Variants in NAV1 observed in about 807,000 individuals in gnomAD.
The protein encoded by NAV1 is neuron navigator 1, also known as pore membrane and/or filament interacting like protein 3.
Under a neutral mutation model 175.2 loss-of-function variants are expected in NAV1, and 18 were observed. The observed-to-expected ratio is 0.10, with a 90% CI of 0.07 to 0.15. NAV1 has a LOEUF of 0.15. NAV1 is among the 10% of genes least tolerant of loss of function. The pLI is 1.00. For missense variants in NAV1, 1,731 were observed against 2,436.6 expected, an observed-to-expected ratio of 0.71 and a Z score of 6.10; for synonymous variants, 897 against 978.7, an observed-to-expected ratio of 0.92 and a Z score of 1.56.
chr1:201,782,606 T>C lies in NAV1; in HGVS notation c.2094T>C (p.Ile698=). Residue 698 remains isoleucine (I), a synonymous_variant, in exon 6 of 30, where the codon ATT becomes ATC. Coordinates refer to ENST00000367296, the Ensembl canonical transcript of NAV1. This position sits in a 1 kb window ranked among gnomAD's most constrained non-coding sequence, Gnocchi z 5.4. ...GACCTCGCCCTGTGAGCAGCAGCAT[T>C]GACCCCAGTCTCCTCAGCACCAAGC... 6.2e-7 allele frequency: 1 copy of C among 1,613,936 alleles called. No homozygotes were observed. Among genetic ancestry groups the C allele is most frequent in the Non-Finnish European group, 8.5e-7 (1 of 1,179,918 alleles).
rs140063005 is a variant in NAV1 at position 201,802,981 on chromosome 1, G to A, written c.3518-612G>A. Reference sequence around the variant, plus strand: ...GTACCTTTTCTTCAACCCTAAATACGTTTTCCAAAGTTCCCATCTGAAAAA... The same window carrying A: ...GTACCTTTTCTTCAACCCTAAATACATTTTCCAAAGTTCCCATCTGAAAAA... On this transcript the variant is annotated intron_variant, in intron 15 of 29. Coordinates refer to ENST00000367296, the Ensembl canonical transcript of NAV1. Among the ~76,000 whole-genome samples the A allele has an allele frequency of 1.9e-3, 287 of 152,170 alleles. 1 individual carries two copies. Among genetic ancestry groups the A allele is most frequent in the African/African-American group, 6.5e-3 (270 of 41,524 alleles).
In NAV1 at chr1:201,758,321, T is replaced by C. The variant is rs529443534; in HGVS notation, c.1227-22100T>C. Among the ~76,000 whole-genome samples, 166 of 152,352 alleles carry C rather than the reference T, an allele frequency of 1.1e-3. 2 individuals carry two copies. The highest frequency in any genetic ancestry group is 3.9e-3 in the African/African-American group (164 of 41,588). Reference sequence around the variant, plus strand: ...GCAGGCATATGATGTTGACATTTTATTTGGTGGTGATCATATTTAAGGAAG... The same window carrying C: ...GCAGGCATATGATGTTGACATTTTACTTGGTGGTGATCATATTTAAGGAAG... On this transcript the variant is annotated intron_variant, in intron 3 of 29. Transcript: ENST00000367296.
chr1:201,653,068 A>G (rs1032588135), intron 1 of NAV1, among the ~76,000 whole-genome samples: 13 of 152,238 alleles, frequency 8.5e-5, no homozygotes, highest in African/African-American at 3.1e-4. Context: ...TTGTATGGGT[A>G]CTAGAAGTAT....
At chr1:201,703,642 T>C (rs1671539525) in intron 1 of NAV1, among the ~76,000 whole-genome samples, 1 of 152,198 alleles carries the variant, frequency 6.6e-6, no homozygotes, top group African/African-American at 2.4e-5. Context: ...GGTATTGCTT[T>C]CTCCTGGAAC....
chr1:201,753,385 T>C (rs896208027), intron 3 of NAV1, among the ~76,000 whole-genome samples: 2 of 152,220 alleles, frequency 1.3e-5, no homozygotes, highest in African/African-American at 4.8e-5. Context: ...CCCATTTAAT[T>C]AAATTCCGCT....
chr1:201,596,764 G>A (rs1201153411), intron 2 of NAV1, among the ~76,000 whole-genome samples: 6 of 152,172 alleles, frequency 3.9e-5, no homozygotes, highest in Non-Finnish European at 5.9e-5. Context: ...CCAGCCCAAT[G>A]GGAAGATGTT....
chr1:201,648,735 GGC>G lies in NAV1; in HGVS notation c.71_72del (p.Ala24GlyfsTer39). On this transcript the variant is annotated frameshift_variant, in exon 1 of 30. Coordinates refer to ENST00000367296, the Ensembl canonical transcript of NAV1. LOFTEE classifies it high-confidence loss of function. ...GCTGAGCAGCGGCGGCGGCGACGAG[GGC>G]GCGGACGAACCGCGGGGCGCCGGCA... The G allele has an allele frequency of 7.1e-7, 1 of 1,414,474 alleles. No individual in the cohort carries two copies. Among genetic ancestry groups the G allele is most frequent in the Non-Finnish European group, 9.2e-7 (1 of 1,089,336 alleles). 87.6% of individuals were successfully genotyped at this position (1,414,474 alleles called of 1,614,324 possible). A position where few individuals can be genotyped will look rare whatever the true frequency, so the allele number is the denominator to read the frequency against.
chr1:201,730,842 A>G (rs140727169), intron 3 of NAV1, among the ~76,000 whole-genome samples: 2 of 152,324 alleles, frequency 1.3e-5, no homozygotes, highest in African/African-American at 4.8e-5. Flanking sequence ...CCTCTGGGCT[A>G]TCAGATGTCT....
rs1672249865 is a variant in NAV1 at position 201,718,871 on chromosome 1, A to G, written c.1226+116A>G. 1 of 1,259,792 alleles carries G rather than the reference A, an allele frequency of 7.9e-7. No individual in the cohort carries two copies. Among genetic ancestry groups the G allele is most frequent in the Non-Finnish European group, 1.1e-6 (1 of 899,792 alleles). The allele number at this position is 1,259,792 out of a possible 1,614,324, so 78.0% of individuals were successfully genotyped here. On this transcript the variant is annotated intron_variant, in intron 3 of 29. Transcript: ENST00000367296. The surrounding 1 kb of genome is among the most constrained non-coding windows in gnomAD (Gnocchi z 4.8). ...GGTTTTGGTTTGCTGTGCTGCTATG[A>G]AAGTACACAAAAGTGTGCTGTGTAC...
rs566897532 is a variant in NAV1, at chr1:201,601,329, A to C, written c.-33+12680A>C. ...AGATCCTGACTCTATCACACACACA[A>C]AAAATTAGCTGGGCTTGGTGGCATG... On this transcript the variant is annotated intron_variant, in intron 2 of 33. Transcript: ENST00000685211. Among the ~76,000 whole-genome samples, 8 of 152,264 alleles carry C rather than the reference A, an allele frequency of 5.3e-5. No homozygotes were observed. In the East Asian group the frequency reaches 5.8e-4, roughly 11 times the overall value.
rs561324170 is a variant in NAV1, at chr1:201,560,456, C to T, written c.-144+21114C>T. 9.8e-5 allele frequency among the ~76,000 whole-genome samples: 15 copies of T among 152,328 alleles called. No individual in the cohort carries two copies. In the East Asian group the frequency reaches 1.9e-3, roughly 20 times the overall value. ...AACTTGCCCCATTGAAGATCCCAAA[C>T]TACTAGTGGTCTAGCCTTGGCCATC... On this transcript the variant is annotated intron_variant, in intron 1 of 33. Coordinates refer to the NAV1 transcript ENST00000685211.
chr1:201,805,734 G>A (rs1221201312), intron 17 of NAV1, among the ~76,000 whole-genome samples: 2 of 152,084 alleles, frequency 1.3e-5, no homozygotes, highest in Non-Finnish European at 2.9e-5. Flanking sequence ...ATCAGCCTGG[G>A]CAACATAGTG....
chr1:201,576,867 C>T (rs891311690), intron 1 of NAV1, among the ~76,000 whole-genome samples: 1 of 152,180 alleles, frequency 6.6e-6, no homozygotes, highest in African/African-American at 2.4e-5. Flanking sequence ...TTTTAATTTG[C>T]ATTTCTCTAA....
At chr1:201,640,044 C>A (rs1304522746) in intron 2 of NAV1, among the ~76,000 whole-genome samples, 1 of 152,168 alleles carries the variant, frequency 6.6e-6, no homozygotes, top group East Asian at 1.9e-4. Flanking sequence ...CTGGAAGCTC[C>A]CCCGAGACGG....
Position 201,747,787 on chromosome 1 carries a change from G to A in NAV1, c.1226+29032G>A, listed in dbSNP as rs551573011. On this transcript the variant is annotated intron_variant, in intron 3 of 29. Transcript: ENST00000367296. ...TATATGTATTTGGTGCCCATAATTG[G>A]TACTGTTTTTCCCCCATTTAAGCTT... Among the ~76,000 whole-genome samples the A allele has an allele frequency of 2.6e-5, 4 of 152,208 alleles. No homozygotes were observed. The Middle Eastern group carries it at 0.014, about 518-fold the overall frequency.
At position 201,718,778 on chromosome 1, in the gene NAV1, T is replaced by C. The variant is rs898951056; in HGVS notation, c.1226+23T>C. 6.3e-6 allele frequency: 10 copies of C among 1,579,066 alleles called. No homozygotes were observed. Among genetic ancestry groups the C allele is most frequent in the Non-Finnish European group, 8.6e-6 (10 of 1,156,396 alleles). Reference sequence around the variant, plus strand: ...CGGGTAAGCGCAGGGGCTTCTTGGATGGCGGGGGAGGATGGTGGAAAGACC... The same window carrying C: ...CGGGTAAGCGCAGGGGCTTCTTGGACGGCGGGGGAGGATGGTGGAAAGACC... On this transcript the variant is annotated intron_variant, in intron 3 of 29. Coordinates refer to ENST00000367296, the Ensembl canonical transcript of NAV1. This position sits in a 1 kb window ranked among gnomAD's most constrained non-coding sequence, Gnocchi z 4.8.
chr1:201,644,664 A>G (rs115120392), upstream of NAV1, among the ~76,000 whole-genome samples: 545 of 152,344 alleles, frequency 3.6e-3, 5 homozygotes, highest in African/African-American at 0.012. Flanking sequence ...CTGACAGGTG[A>G]CATTTCATGC....
intron 15 of NAV1, among the ~76,000 whole-genome samples, chr1:201,802,462 A>AC (rs1446325122): frequency 1.8e-5 from 2 of 113,890 alleles, no homozygotes; most frequent in African/African-American, 5.7e-5. Context: ...CTCATTAAAA[A>AC]AAAAAAAAAA....
chr1:201,674,759 G>A (rs760803435), intron 1 of NAV1, among the ~76,000 whole-genome samples: 1 of 152,116 alleles, frequency 6.6e-6, no homozygotes, highest in African/African-American at 2.4e-5. Flanking sequence ...AAAACTGGCT[G>A]GGCACGGTGG....
Sources: allele counts gnomAD v4.1 joint callset (sites outside exome capture counted in the v4.1 genomes callset), GRCh38; gene constraint gnomAD v4.1.1; non-coding constraint Gnocchi (gnomAD v3.1); transcripts MANE v1.5; gene names NCBI Gene and HGNC (gene_info 2026-07-23, HGNC 2026-07-21).